The following GLUD1 variants were observed in gnomAD, a reference collection of about 807,000 sequenced individuals.
The protein encoded by GLUD1 is glutamate dehydrogenase 1.
In GLUD1, 22 loss-of-function variants were observed where a neutral mutation model predicts 56.0. That is an observed-to-expected ratio of 0.39 (90% CI 0.28 to 0.56). GLUD1 has a LOEUF of 0.56. Ranked by LOEUF, GLUD1 falls within the 20% of genes least tolerant of loss-of-function variation. The pLI is 0.58. For synonymous variants in GLUD1, 223 were observed against 269.9 expected (o/e 0.83, Z 1.70); for missense variants, 451 against 732.0 (o/e 0.62, Z 4.43).
intron 7 of GLUD1, 21 bp downstream of exon 7, chr10:87,060,894 G>A (rs1383084506): frequency 6.2e-7 from 1 of 1,613,564 alleles, no homozygotes; most frequent in Admixed American, 1.7e-5. Context: ...TAGTGTCTAT[G>A]CTATAAAAAT....
intron 6 of GLUD1, among the ~76,000 whole-genome samples, chr10:87,061,422 G>T (rs1201918007): frequency 6.6e-6 from 1 of 151,980 alleles, no homozygotes; most frequent in Non-Finnish European, 1.5e-5. Context: ...GGAGAATGAG[G>T]TAGGAGAATC....
At chr10:87,076,155 C>T (rs574737445) in intron 2 of GLUD1, 132 bp from the exon 3 acceptor site, 1 of 746,550 alleles carries the variant, frequency 1.3e-6, no homozygotes, top group Admixed American at 2.0e-5. Context: ...AATAAACCTA[C>T]CATCATTTTC....
intron 4 of GLUD1, among the ~76,000 whole-genome samples, chr10:87,071,907 G>A (rs780974402): frequency 9.9e-5 from 15 of 152,188 alleles, no homozygotes; most frequent in Non-Finnish European, 1.8e-4. Context: ...AAACATCATT[G>A]AAAGAAATCA....
chr10:87,050,737 A>T lies in GLUD1; in HGVS notation c.*1014T>A, dbSNP rs1410055164. The stretch of plus-strand genomic sequence containing the variant: ...TAGTGAAGCTGGGTGCAGAATGCAA[A>T]GCCTCTAAAAGGAGAGGATACAAAG... On this transcript the variant is annotated 3_prime_UTR_variant, in exon 13 of 13. Coordinates refer to ENST00000277865, the MANE Select transcript of GLUD1 (RefSeq NM_005271.5). 1 of 152,258 alleles carries T rather than the reference A, an allele frequency of 6.6e-6. No homozygotes were observed. Among genetic ancestry groups the T allele is most frequent in the African/African-American group, 2.4e-5 (1 of 41,452 alleles). 9.4% of individuals were successfully genotyped at this position (152,258 alleles called of 1,614,324 possible). A position where few individuals can be genotyped will look rare whatever the true frequency, so the allele number is the denominator to read the frequency against.
intron 3 of GLUD1, among the ~76,000 whole-genome samples, chr10:87,075,645 G>T (rs1319543997): frequency 6.6e-6 from 1 of 152,182 alleles, no homozygotes; most frequent in Non-Finnish European, 1.5e-5. Context: ...TTTGAGGCCG[G>T]GTGCGGTGGC....
intron 1 of GLUD1, chr10:87,089,645 A>C: frequency 1.0e-6 from 1 of 985,172 alleles, no homozygotes; most frequent in Non-Finnish European, 1.2e-6. Flanking sequence ...TTTTGTAAAG[A>C]TAATCGGAAG....
chr10:87,063,524 C>T (rs1001715847), intron 5 of GLUD1, among the ~76,000 whole-genome samples: 1 of 152,212 alleles, frequency 6.6e-6, no homozygotes, highest in African/African-American at 2.4e-5. Flanking sequence ...GGTACATACA[C>T]ATCCCATTCA....
At chr10:87,059,337 C>T in intron 9 of GLUD1, 64 bp from the exon 10 acceptor site, 4 of 1,491,294 alleles carry the variant, frequency 2.7e-6, no homozygotes, top group Non-Finnish European at 3.7e-6. Context: ...TGAAAATGAA[C>T]CTAAGACCTT....
chr10:87,085,832 T>A (rs573837951), intron 1 of GLUD1, among the ~76,000 whole-genome samples: 1 of 152,322 alleles, frequency 6.6e-6, no homozygotes, highest in Admixed American at 6.5e-5. Flanking sequence ...GATGGAAGAT[T>A]ATACATTAAA....
At chr10:87,063,136 A>C (rs1204125055) in intron 5 of GLUD1, among the ~76,000 whole-genome samples, 1 of 150,526 alleles carries the variant, frequency 6.6e-6, no homozygotes, top group Non-Finnish European at 1.5e-5. Flanking sequence ...TGCAATGGTG[A>C]GATCTTGGCT....
chr10:87,061,048 A>G lies in GLUD1; in HGVS notation c.926T>C (p.Phe309Ser). ...CATAGAGTGTAGGCCCACATTACCA[A>G]ATCCCTGTGAAGAACAATTACCCAT... ...FGDKTFVVQG[F>S]GNVGLHSMRY... The change falls in exon 7 of 13, where the codon TTT becomes TCT. Residue 309 changes from phenylalanine (F) to serine (S), a missense_variant. By Grantham distance (155) the Phe-to-Ser change is radical. Transcript: ENST00000277865. 3 of 1,613,550 alleles carry G rather than the reference A, an allele frequency of 1.9e-6. No homozygotes were observed. The highest frequency in any genetic ancestry group is 2.5e-6 in the Non-Finnish European group (3 of 1,179,480).
chr10:87,062,936 A>G lies in GLUD1; in HGVS notation c.742-101T>C, dbSNP rs556159446. The G allele has an allele frequency of 7.4e-5, 79 of 1,069,006 alleles. No homozygotes were observed. The African/African-American group carries it at 8.9e-4, about 12-fold the overall frequency. 66.2% of individuals were successfully genotyped at this position (1,069,006 alleles called of 1,614,324 possible). On this transcript the variant is annotated intron_variant, in intron 5 of 12. Coordinates refer to ENST00000277865, the MANE Select transcript of GLUD1 (RefSeq NM_005271.5). ...CAAAGCACATTCTCATTTAATCAAA[A>G]ATATGCTAATTAGGAGTGTGTGTAT...
intron 1 of GLUD1, among the ~76,000 whole-genome samples, chr10:87,080,621 C>T (rs1324884507): frequency 1.0e-3 from 158 of 151,982 alleles, no homozygotes; most frequent in Admixed American, 1.7e-3. Flanking sequence ...GCGCCTCTGC[C>T]CGGCCGCGAC....
chr10:87,064,119 TAGTC>T (rs1846010974), intron 5 of GLUD1, among the ~76,000 whole-genome samples: 1 of 152,182 alleles, frequency 6.6e-6, no homozygotes, highest in African/African-American at 2.4e-5. Flanking sequence ...CATCCTGTGT[TAGTC>T]AGGATGGTCT....
At chr10:87,052,770 A>G (rs548964120) in intron 12 of GLUD1, among the ~76,000 whole-genome samples, 6 of 152,078 alleles carry the variant, frequency 3.9e-5, no homozygotes, top group Admixed American at 1.3e-4. Context: ...CGAATTTAAT[A>G]CTTTGAAAGG....
chr10:87,054,002 G>T (rs1372072142), intron 11 of GLUD1, among the ~76,000 whole-genome samples: 1 of 148,538 alleles, frequency 6.7e-6, no homozygotes, highest in African/African-American at 2.5e-5. Flanking sequence ...GCTGGGATAT[G>T]ACTCAGGGCC....
intron 1 of GLUD1, chr10:87,089,869 T>C (rs1484833082): frequency 4.4e-6 from 1 of 226,176 alleles, no homozygotes; most frequent in Non-Finnish European, 7.4e-6. Flanking sequence ...TGTTCATGGT[T>C]ATATTGGGGG....
At chr10:87,063,766 G>A (rs1845997326) in intron 5 of GLUD1, among the ~76,000 whole-genome samples, 1 of 152,178 alleles carries the variant, frequency 6.6e-6, no homozygotes, top group Non-Finnish European at 1.5e-5. Context: ...GGTATGTGTG[G>A]GTAAGAGTCC....
At chr10:87,056,579 G>A (rs542593763) in intron 11 of GLUD1, among the ~76,000 whole-genome samples, 2 of 152,220 alleles carry the variant, frequency 1.3e-5, no homozygotes, top group South Asian at 2.1e-4. Context: ...ATAGGCGTGA[G>A]CCACCGCACC....
Sources: gnomAD v4.1 joint callset for allele counts (sites outside exome capture counted in the v4.1 genomes callset) on GRCh38, gnomAD v4.1.1 for gene constraint, MANE v1.5 for transcripts, NCBI Gene and HGNC (gene_info 2026-07-23, HGNC 2026-07-21) for gene names.